Variants in FAM83B observed in about 807,000 individuals in gnomAD.
FAM83B encodes protein FAM83B.
FAM83B carries 26 observed loss-of-function variants against 38.8 expected under a neutral mutation model. The observed-to-expected ratio is 0.67, with a 90% CI of 0.49 to 0.93. The LOEUF is 0.93. Ranked by LOEUF, FAM83B falls within the 40% of genes least tolerant of loss-of-function variation. The pLI is 0.00. For missense variants in FAM83B, 1,237 were observed against 1,197.3 expected, an observed-to-expected ratio of 1.03 and a Z score of -0.49; for synonymous variants, 419 against 423.1, an observed-to-expected ratio of 0.99 and a Z score of 0.12.
At position 54,930,817 on chromosome 6, in the gene FAM83B, A is replaced by T. The variant is rs564794817; in HGVS notation, c.734+3185A>T. 1.2e-3 allele frequency among the ~76,000 whole-genome samples: 187 copies of T among 152,164 alleles called. 2 individuals carry two copies. The highest frequency in any genetic ancestry group is 4.4e-3 in the African/African-American group (181 of 41,532). ...TCTTTTAGCTTTAAAAAAATGTTTT[A>T]TTGATAAAAATACATGTACATATGG... On this transcript the variant is annotated intron_variant, in intron 4 of 4. Coordinates refer to ENST00000306858, the MANE Select transcript of FAM83B (RefSeq NM_001010872.3).
At chr6:54,917,160 A>T (rs1163075996) in intron 2 of FAM83B, among the ~76,000 whole-genome samples, 2 of 152,102 alleles carry the variant, frequency 1.3e-5, no homozygotes, top group Non-Finnish European at 2.9e-5. Context: ...AATACTGTGT[A>T]CTCTTTGAGA....
chr6:54,867,084 C>CT (rs887368572), intron 1 of FAM83B, among the ~76,000 whole-genome samples: 57 of 145,354 alleles, frequency 3.9e-4, no homozygotes, highest in African/African-American at 4.3e-4. Flanking sequence ...ATAGTGATAT[C>CT]TTTTTTTTTT....
At position 54,940,968 on chromosome 6, in the gene FAM83B, C is replaced by G. The variant is rs751680028; in HGVS notation, c.1997C>G (p.Pro666Arg). The change falls in exon 5 of 5, where the codon CCG becomes CGG. Residue 666 changes from proline (P) to arginine (R), a missense_variant. Transcript: ENST00000306858. ...AATCTACTTAAAAGGCGAAGTTTCC[C>G]GTTATTTGACAACTCAAAAGCCAAC... is the stretch of plus-strand genomic sequence containing the variant. ...TENLLKRRSF[P>R]LFDNSKANLD... The G allele has an allele frequency of 6.2e-7, 1 of 1,613,654 alleles. No individual in the cohort carries two copies. The highest frequency in any genetic ancestry group is 1.3e-5 in the African/African-American group (1 of 74,868).
intron 2 of FAM83B, among the ~76,000 whole-genome samples, chr6:54,893,351 T>C (rs1772447676): frequency 1.3e-5 from 2 of 152,178 alleles, no homozygotes; most frequent in African/African-American, 4.8e-5. Flanking sequence ...AGTCTATTCA[T>C]ATTGTGGTTA....
chr6:54,854,682 A>T (rs377342129), intron 1 of FAM83B, among the ~76,000 whole-genome samples: 49 of 152,340 alleles, frequency 3.2e-4, no homozygotes, highest in African/African-American at 1.2e-3. Context: ...ACCAAAAAAA[A>T]TTTGTGTAAC....
intron 2 of FAM83B, among the ~76,000 whole-genome samples, chr6:54,915,603 G>A (rs1773017126): frequency 1.5e-5 from 2 of 133,820 alleles, no homozygotes; most frequent in African/African-American, 3.3e-5. Flanking sequence ...TCAGGAGATC[G>A]AGACCATCCT....
chr6:54,853,753 C>T (rs1170889453), intron 1 of FAM83B, among the ~76,000 whole-genome samples: 1 of 152,130 alleles, frequency 6.6e-6, no homozygotes, highest in African/African-American at 2.4e-5. Flanking sequence ...AACATTTGTT[C>T]CATAGCACAT....
Position 54,861,151 on chromosome 6 carries a change from C to T in FAM83B, c.-60-9036C>T, listed in dbSNP as rs1040219353. The stretch of plus-strand genomic sequence containing the variant: ...AGTCAACTCTCACTCTGTTACCTTC[C>T]GTTATTAAGGCAGTATTTCATTATT... On this transcript the variant is annotated intron_variant, in intron 1 of 4. Transcript: ENST00000306858. Among the ~76,000 whole-genome samples the T allele has an allele frequency of 6.8e-4, 103 of 152,148 alleles. 2 individuals are homozygous for T. The highest frequency in any genetic ancestry group is 6.7e-3 in the Admixed American group (102 of 15,270).
chr6:54,858,794 C>T (rs1771505434), intron 1 of FAM83B, among the ~76,000 whole-genome samples: 1 of 151,944 alleles, frequency 6.6e-6, no homozygotes, highest in Admixed American at 6.6e-5. Flanking sequence ...TGGAGAATCC[C>T]CAGAGACACT....
At chr6:54,867,070 TG>T (rs1771724357) in intron 1 of FAM83B, among the ~76,000 whole-genome samples, 1 of 151,698 alleles carries the variant, frequency 6.6e-6, no homozygotes, top group Non-Finnish European at 1.5e-5. Flanking sequence ...TCAGCTTACA[TG>T]GCATAGTGAT....
chr6:54,900,335 T>C (rs1242435751), intron 2 of FAM83B, among the ~76,000 whole-genome samples: 1 of 152,132 alleles, frequency 6.6e-6, no homozygotes, highest in Non-Finnish European at 1.5e-5. Context: ...GGGGAACTTT[T>C]CAAACTGCTC....
chr6:54,886,770 T>G (rs1561914592), intron 2 of FAM83B, among the ~76,000 whole-genome samples: 1 of 152,024 alleles, frequency 6.6e-6, no homozygotes, highest in Non-Finnish European at 1.5e-5. Flanking sequence ...TACGTTGTAT[T>G]ATTTTTCCAG....
At chr6:54,936,685 C>A (rs1194334537) in intron 4 of FAM83B, among the ~76,000 whole-genome samples, 2 of 150,492 alleles carry the variant, frequency 1.3e-5, no homozygotes, top group African/African-American at 4.9e-5. Context: ...TTCCCTTTTC[C>A]ATATTTCTCC....
chr6:54,940,932 A>C lies in FAM83B; in HGVS notation c.1961A>C (p.Gln654Pro). Residue 654 changes from glutamine (Q) to proline (P), a missense_variant, in exon 5 of 5, where the codon CAA becomes CCA. By Grantham distance (76) the Gln-to-Pro change is moderately conservative (BLOSUM62 -1). Coordinates refer to ENST00000306858, the MANE Select transcript of FAM83B (RefSeq NM_001010872.3). ...VNKQTENLKN[Q>P]QTENLLKRRS... is the part of the protein sequence containing the mutation. Reference sequence around the variant, plus strand: ...AAGCAGACAGAAAATCTAAAGAATCAACAGACTGAGAATCTACTTAAAAGG... The same window carrying C: ...AAGCAGACAGAAAATCTAAAGAATCCACAGACTGAGAATCTACTTAAAAGG... 1 of 1,613,458 alleles carries C rather than the reference A, an allele frequency of 6.2e-7. No individual in the cohort carries two copies. Among genetic ancestry groups the C allele is most frequent in the Non-Finnish European group, 8.5e-7 (1 of 1,179,874 alleles).
chr6:54,907,326 A>G (rs1335644598), intron 2 of FAM83B, among the ~76,000 whole-genome samples: 2 of 152,160 alleles, frequency 1.3e-5, no homozygotes, highest in Non-Finnish European at 2.9e-5. Flanking sequence ...ACATATCTCA[A>G]TGATTTAGAA....
chr6:54,918,649 A>G (rs1773100394), intron 2 of FAM83B, among the ~76,000 whole-genome samples: 1 of 152,090 alleles, frequency 6.6e-6, no homozygotes, highest in East Asian at 1.9e-4. Context: ...CCATGATTCA[A>G]TTACCTCCCA....
intron 1 of FAM83B, among the ~76,000 whole-genome samples, chr6:54,868,617 C>T (rs1771772498): frequency 1.3e-5 from 2 of 152,166 alleles, no homozygotes; most frequent in South Asian, 4.2e-4. Flanking sequence ...TTTTGCAAAA[C>T]TTCACCATTA....
At chr6:54,879,563 T>C (rs57271459) in intron 2 of FAM83B, among the ~76,000 whole-genome samples, 14,635 of 152,082 alleles carry the variant, frequency 0.096, 797 homozygotes, top group South Asian at 0.16. Flanking sequence ...AGGAGATGTA[T>C]GGTGGAGAGC....
chr6:54,865,189 G>A (rs1198208011), intron 1 of FAM83B, among the ~76,000 whole-genome samples: 1 of 152,186 alleles, frequency 6.6e-6, no homozygotes, highest in Non-Finnish European at 1.5e-5. Flanking sequence ...AAGTCTAGAT[G>A]TTTGGAATCA....
Sources: gnomAD v4.1 joint callset for allele counts (sites outside exome capture counted in the v4.1 genomes callset) on GRCh38, gnomAD v4.1.1 for gene constraint, MANE v1.5 for transcripts, NCBI Gene and HGNC (gene_info 2026-07-23, HGNC 2026-07-21) for gene names.